DGKB: variants seen among roughly 807,000 people sequenced by gnomAD.
DGKB encodes diacylglycerol kinase beta.
Under a neutral mutation model 114.3 loss-of-function variants are expected in DGKB, and 67 were observed. The observed-to-expected ratio is 0.59, with a 90% CI of 0.48 to 0.72. The LOEUF is 0.72. DGKB is among the 30% of genes least tolerant of loss of function. DGKB has a pLI of 0.00. For missense variants in DGKB, 907 were observed against 975.2 expected, an observed-to-expected ratio of 0.93 and a Z score of 0.93; for synonymous variants, 398 against 323.1, an observed-to-expected ratio of 1.23 and a Z score of -2.49.
At chr7:14,969,326 AG>A (rs1199432802) in intron 1 of DGKB, among the ~76,000 whole-genome samples, 2 of 152,204 alleles carry the variant, frequency 1.3e-5, no homozygotes, top group African/African-American at 4.8e-5. Context: ...AGTTACAGTC[AG>A]GCTTCAATGA....
At chr7:14,466,574 G>A (rs1160788149) in intron 21 of DGKB, among the ~76,000 whole-genome samples, 1 of 150,748 alleles carries the variant, frequency 6.6e-6, no homozygotes, top group Non-Finnish European at 1.5e-5. Flanking sequence ...CACAAGGAGG[G>A]TTTCTTGTTT....
intron 20 of DGKB, among the ~76,000 whole-genome samples, chr7:14,516,097 C>T (rs1412662632): frequency 2.0e-5 from 3 of 152,158 alleles, no homozygotes; most frequent in Non-Finnish European, 2.9e-5. Flanking sequence ...ATCTGCCCAC[C>T]TTGGCCTCCC....
At chr7:14,289,512 G>A (rs1801399929) in intron 23 of DGKB, among the ~76,000 whole-genome samples, 1 of 152,056 alleles carries the variant, frequency 6.6e-6, no homozygotes, top group African/African-American at 2.4e-5. Context: ...CTATTTAGAA[G>A]ATGATGTATA....
intron 20 of DGKB, among the ~76,000 whole-genome samples, chr7:14,507,031 C>A (rs1787195915): frequency 2.0e-5 from 3 of 152,132 alleles, no homozygotes. Flanking sequence ...GGCAGAGGCA[C>A]TAGCTGCAAG....
intron 14 of DGKB, among the ~76,000 whole-genome samples, chr7:14,629,356 G>T (rs980864218): frequency 6.6e-6 from 1 of 151,796 alleles, no homozygotes; most frequent in Non-Finnish European, 1.5e-5. Context: ...TATGTCTCTG[G>T]TTAAAAATGA....
chr7:14,468,759 C>G (rs928659264), intron 21 of DGKB, among the ~76,000 whole-genome samples: 14 of 151,800 alleles, frequency 9.2e-5, no homozygotes, highest in African/African-American at 3.4e-4. Context: ...AATACTTAAA[C>G]TTGAATTATT....
intron 23 of DGKB, among the ~76,000 whole-genome samples, chr7:14,317,817 C>T (rs1287469462): frequency 2.3e-4 from 13 of 56,296 alleles, no homozygotes; most frequent in South Asian, 1.7e-3. Flanking sequence ...AAAAAGAGCC[C>T]GCATCGCCAA....
chr7:14,915,046 A>C (rs933460572), intron 1 of DGKB, among the ~76,000 whole-genome samples: 1 of 152,118 alleles, frequency 6.6e-6, no homozygotes, highest in Admixed American at 6.6e-5. Context: ...TTACAAACAT[A>C]AGCATCATCT....
Position 14,546,132 on chromosome 7 carries a change from T to G in DGKB, c.1770+28080A>C, listed in dbSNP as rs187925602. ...ATTGCAAACATCTTTGGAGGAAATA[T>G]TATTTATTATGATACTTATGTGATT... On this transcript the variant is annotated intron_variant, in intron 20 of 25. Coordinates refer to ENST00000402815, the MANE Select transcript of DGKB (RefSeq NM_001350709.2). Among the ~76,000 whole-genome samples the G allele has an allele frequency of 1.6e-4, 25 of 152,330 alleles. No individual in the cohort carries two copies. In the East Asian group the frequency reaches 4.6e-3, roughly 28 times the overall value.
At chr7:14,799,887 A>T (rs1841917723) in intron 2 of DGKB, among the ~76,000 whole-genome samples, 9 of 151,572 alleles carry the variant, frequency 5.9e-5, no homozygotes, top group Admixed American at 5.9e-4. Context: ...TAGTATTTTG[A>T]TGCAAGGGCC....
intron 15 of DGKB, among the ~76,000 whole-genome samples, chr7:14,613,678 G>A (rs186388184): frequency 6.6e-6 from 1 of 151,702 alleles, no homozygotes; most frequent in Admixed American, 6.6e-5. Context: ...CAGGAAGAGG[G>A]AATAACATTT....
At chr7:14,848,109 G>A (rs10950537) in intron 1 of DGKB, among the ~76,000 whole-genome samples, 47,299 of 152,088 alleles carry the variant, frequency 0.31, 9,549 homozygotes, top group Non-Finnish European at 0.44. Context: ...TTTAATCAGT[G>A]GATATGAATA....
At chr7:14,199,120 T>G (rs1224149899) in intron 23 of DGKB, among the ~76,000 whole-genome samples, 7 of 152,006 alleles carry the variant, frequency 4.6e-5, no homozygotes, top group Admixed American at 3.3e-4. Flanking sequence ...ACATAGTAAT[T>G]TTTTTGCTCA....
chr7:14,303,145 C>A (rs934801159), intron 23 of DGKB, among the ~76,000 whole-genome samples: 2 of 152,064 alleles, frequency 1.3e-5, no homozygotes, highest in Admixed American at 6.6e-5. Context: ...TATGGCAACA[C>A]CTAAGTGAAG....
intron 21 of DGKB, among the ~76,000 whole-genome samples, chr7:14,447,857 C>T (rs1584012081): frequency 6.6e-6 from 1 of 152,150 alleles, no homozygotes; most frequent in African/African-American, 2.4e-5. Context: ...ATCCTAATTT[C>T]CGCAGTTCAC....
At chr7:14,697,595 G>C (rs1824184047) in intron 8 of DGKB, among the ~76,000 whole-genome samples, 1 of 149,894 alleles carries the variant, frequency 6.7e-6, no homozygotes, top group African/African-American at 2.5e-5. Context: ...ATTAGAAATA[G>C]TAACTTAGTT....
In DGKB at chr7:14,710,424, G is replaced by A. The variant is rs528320101; in HGVS notation, c.466+8118C>T. Among the ~76,000 whole-genome samples the A allele has an allele frequency of 3.2e-3, 485 of 151,940 alleles. 1 individual carries two copies. The highest frequency in any genetic ancestry group is 0.011 in the African/African-American group (466 of 41,492). Reference sequence around the variant, plus strand: ...TACTTGATCTATCTATAGATTACTGGGTAGTCTATAATAAACAATGAATTT... The same window carrying A: ...TACTTGATCTATCTATAGATTACTGAGTAGTCTATAATAAACAATGAATTT... On this transcript the variant is annotated intron_variant, in intron 6 of 25. Transcript: ENST00000402815.
intron 8 of DGKB, among the ~76,000 whole-genome samples, chr7:14,695,306 T>C (rs939639661): frequency 2.0e-5 from 3 of 152,050 alleles, no homozygotes; most frequent in Non-Finnish European, 4.4e-5. Flanking sequence ...GCTTTCCTTT[T>C]TGTACCTAAT....
At position 14,145,770 on chromosome 7, in the gene DGKB, T is replaced by C. The variant is rs1781415657; in HGVS notation, c.*3361A>G. On this transcript the variant is annotated 3_prime_UTR_variant, in exon 26 of 26. Coordinates refer to ENST00000402815, the MANE Select transcript of DGKB (RefSeq NM_001350709.2). ...TTGCGCCTGGCCACATTTTCCTTTTTATAACCAATGAACAACAAACTAACG... is the reference window on the plus strand; with the variant it reads ...TTGCGCCTGGCCACATTTTCCTTTTCATAACCAATGAACAACAAACTAACG... The C allele has an allele frequency of 6.6e-6, 1 of 152,186 alleles. No homozygotes were observed. 9.4% of individuals were successfully genotyped at this position (152,186 alleles called of 1,614,324 possible).
Sources: gnomAD v4.1 joint callset for allele counts (sites outside exome capture counted in the v4.1 genomes callset) on GRCh38, gnomAD v4.1.1 for gene constraint, MANE v1.5 for transcripts, NCBI Gene and HGNC (gene_info 2026-07-23, HGNC 2026-07-21) for gene names.